PXDNL: variants seen among roughly 807,000 people sequenced by gnomAD.
PXDNL encodes the protein peroxidasin like.
PXDNL carries 145 observed loss-of-function variants against 150.8 expected under a neutral mutation model. That is an observed-to-expected ratio of 0.96 (90% CI 0.84 to 1.10). PXDNL has a LOEUF of 1.10. Ranked by LOEUF, PXDNL falls within the 50% of genes least tolerant of loss-of-function variation. The probability of loss-of-function intolerance (pLI) is 0.00; values close to 1 mark genes in which losing one functional copy is unlikely to be tolerated. For synonymous variants in PXDNL, 757 were observed against 725.7 expected (o/e 1.04, Z -0.69); for missense variants, 2,087 against 1,873.9 (o/e 1.11, Z -2.10).
intron 2 of PXDNL, among the ~76,000 whole-genome samples, chr8:51,598,205 C>T (rs555683656): frequency 1.4e-4 from 22 of 151,896 alleles, no homozygotes; most frequent in African/African-American, 5.3e-4. Context: ...ACTTTTTTTC[C>T]TATTTTGATG....
intron 3 of PXDNL, among the ~76,000 whole-genome samples, 177 bp downstream of exon 3, chr8:51,592,450 T>C (rs6987825): frequency 0.24 from 36,985 of 152,104 alleles, 5,292 homozygotes; most frequent in African/African-American, 0.4. Context: ...ATGCACAATC[T>C]ATTGAAAGCA....
At chr8:51,442,029 C>CT (rs1216996980) in intron 12 of PXDNL, among the ~76,000 whole-genome samples, 1 of 152,036 alleles carries the variant, frequency 6.6e-6, no homozygotes, top group Admixed American at 6.6e-5. Context: ...TTTTCTTCTC[C>CT]TTTTTTCTGT....
At chr8:51,763,522 C>A (rs1056766680) in intron 1 of PXDNL, among the ~76,000 whole-genome samples, 1 of 152,038 alleles carries the variant, frequency 6.6e-6, no homozygotes, top group Non-Finnish European at 1.5e-5. Flanking sequence ...CGCAGGACCC[C>A]AGAAGTATGC....
intron 14 of PXDNL, among the ~76,000 whole-genome samples, chr8:51,420,260 T>G (rs1003923309): frequency 1.3e-5 from 2 of 152,228 alleles, no homozygotes; most frequent in Non-Finnish European, 2.9e-5. Context: ...AGGTATGAAC[T>G]TTTCCTTTTA....
chr8:51,608,679 T>C (rs1156510576), intron 2 of PXDNL, among the ~76,000 whole-genome samples: 1 of 149,754 alleles, frequency 6.7e-6, no homozygotes, highest in Non-Finnish European at 1.5e-5. Context: ...TTACTAAAAA[T>C]ACAAAAAATT....
chr8:51,549,803 A>G (rs1278206235), intron 4 of PXDNL, among the ~76,000 whole-genome samples: 1 of 152,078 alleles, frequency 6.6e-6, no homozygotes, highest in Non-Finnish European at 1.5e-5. Context: ...CAAACCCAAA[A>G]CCAGCAGAAG....
chr8:51,765,150 C>T (rs1466633855), intron 1 of PXDNL, among the ~76,000 whole-genome samples: 1 of 152,166 alleles, frequency 6.6e-6, no homozygotes, highest in East Asian at 1.9e-4. Context: ...TTGGCTGTGT[C>T]TCACCCAAAT....
intron 5 of PXDNL, among the ~76,000 whole-genome samples, chr8:51,493,377 T>C (rs776315370): frequency 1.3e-5 from 2 of 151,940 alleles, no homozygotes; most frequent in African/African-American, 4.8e-5. Flanking sequence ...TCAGAGCGCC[T>C]CTCCTCCTCC....
At chr8:51,577,117 A>G (rs1813071939) in intron 3 of PXDNL, among the ~76,000 whole-genome samples, 1 of 151,920 alleles carries the variant, frequency 6.6e-6, no homozygotes, top group African/African-American at 2.4e-5. Flanking sequence ...CAGAAAAATA[A>G]CAGAGAAAGA....
chr8:51,320,861 ACC>A lies in PXDNL; in HGVS notation c.4181_4182del (p.Gly1394ValfsTer5). 1.1e-5 allele frequency: 18 copies of A among 1,613,832 alleles called. No individual in the cohort carries two copies. Among genetic ancestry groups the A allele is most frequent in the Non-Finnish European group, 1.4e-5 (17 of 1,179,836 alleles). On this transcript the variant is annotated frameshift_variant, in exon 22 of 23. Coordinates refer to ENST00000356297, the MANE Select transcript of PXDNL (RefSeq NM_144651.5). LOFTEE classifies it high-confidence loss of function. ...CTTGGAACCCCTCTAACATCTGTACACCCTGCCTGCCTCAGGCGTGCCTCCAG... is the reference window on the plus strand; with the variant it reads ...CTTGGAACCCCTCTAACATCTGTACACTGCCTGCCTCAGGCGTGCCTCCAG... ...NKLEARLRQAGCTDVRGVPRK... is the reference protein window; with the variant it reads ...NKLEARLRQAXCTDVRGVPRK...
intron 1 of PXDNL, among the ~76,000 whole-genome samples, chr8:51,757,910 A>AC (rs2037119473): frequency 6.6e-6 from 1 of 151,146 alleles, no homozygotes. Flanking sequence ...TGATCTAAAG[A>AC]AATTTAAAAA....
chr8:51,413,047 C>T, intron 15 of PXDNL, 103 bp downstream of exon 15: 2 of 687,130 alleles, frequency 2.9e-6, no homozygotes, highest in South Asian at 3.6e-5. Flanking sequence ...CTAAAGAAAG[C>T]ACTCTATTGC....
chr8:51,698,931 T>A (rs1347830107), intron 1 of PXDNL, among the ~76,000 whole-genome samples: 1 of 152,214 alleles, frequency 6.6e-6, no homozygotes, highest in Non-Finnish European at 1.5e-5. Context: ...TTGAAAGGAA[T>A]CTTTTTTTCT....
chr8:51,344,937 C>T (rs1388053314), intron 20 of PXDNL, among the ~76,000 whole-genome samples: 5 of 152,136 alleles, frequency 3.3e-5, no homozygotes, highest in Admixed American at 3.3e-4. Context: ...CACTTCTTGT[C>T]CAACAACACT....
intron 2 of PXDNL, among the ~76,000 whole-genome samples, chr8:51,608,054 A>AAAGAAAGAAAGCAAGC (rs1554557536): frequency 5.4e-4 from 60 of 111,692 alleles, no homozygotes; most frequent in Non-Finnish European, 8.1e-4. Context: ...AGAAAGAAAG[A>AAAGAAAGAAAGCAAGC]AAGCAAGCAA....
intron 2 of PXDNL, among the ~76,000 whole-genome samples, chr8:51,644,063 G>A (rs543023410): frequency 7.9e-4 from 120 of 151,614 alleles, no homozygotes; most frequent in African/African-American, 2.4e-3. Flanking sequence ...GGAGAATGGC[G>A]TGAACCTGGG....
intron 21 of PXDNL, among the ~76,000 whole-genome samples, chr8:51,338,182 CAAAAA>C (rs757946882): frequency 1.1e-5 from 1 of 90,008 alleles, no homozygotes. Context: ...GACTCCATCT[CAAAAA>C]AAAAAAAAAA....
intron 1 of PXDNL, among the ~76,000 whole-genome samples, chr8:51,734,490 C>T (rs1426802989): frequency 6.6e-6 from 1 of 152,184 alleles, no homozygotes; most frequent in African/African-American, 2.4e-5. Context: ...TAATCTCTAA[C>T]TCTTTAGGAA....
intron 1 of PXDNL, among the ~76,000 whole-genome samples, chr8:51,801,403 G>A (rs747759017): frequency 4.6e-5 from 7 of 151,864 alleles, no homozygotes; most frequent in Admixed American, 1.3e-4. Flanking sequence ...CCTTTGCCTT[G>A]TGATCTTTAT....
Sources: allele counts gnomAD v4.1 joint callset (sites outside exome capture counted in the v4.1 genomes callset), GRCh38; gene constraint gnomAD v4.1.1; transcripts MANE v1.5; gene names NCBI Gene and HGNC (gene_info 2026-07-23, HGNC 2026-07-21).